GNAQ: variants seen among roughly 807,000 people sequenced by gnomAD.
GNAQ encodes G protein subunit alpha q.
GNAQ carries 8 observed loss-of-function variants against 43.9 expected under a neutral mutation model. That is an observed-to-expected ratio of 0.18 (90% CI 0.11 to 0.33). GNAQ has a LOEUF of 0.33. GNAQ is among the 10% of genes least tolerant of loss of function. The pLI, the probability that GNAQ is intolerant of heterozygous loss-of-function variation, is 1.00. For synonymous variants in GNAQ, 155 were observed against 170.7 expected (o/e 0.91, Z 0.71); for missense variants, 158 against 450.8 (o/e 0.35, Z 5.88).
At chr9:78,014,874 G>A (rs1406443384) in intron 1 of GNAQ, among the ~76,000 whole-genome samples, 2 of 152,154 alleles carry the variant, frequency 1.3e-5, no homozygotes, top group Non-Finnish European at 2.9e-5. Flanking sequence ...GTAAATAACT[G>A]TGGTCCCACA....
chr9:77,815,555 A>G (rs1826998862), intron 3 of GNAQ, 61 bp downstream of exon 3: 6 of 1,088,734 alleles, frequency 5.5e-6, no homozygotes, highest in Non-Finnish European at 1.4e-6. Context: ...TATGATAATC[A>G]TAAAACCTCC....
At chr9:77,789,906 C>T (rs1042544245) in intron 5 of GNAQ, among the ~76,000 whole-genome samples, 5 of 150,956 alleles carry the variant, frequency 3.3e-5, no homozygotes, top group East Asian at 1.9e-4. Context: ...TTCCTTCTAG[C>T]GTAAGGGAAG....
chr9:77,905,684 A>G (rs371086382), intron 2 of GNAQ, among the ~76,000 whole-genome samples: 1 of 152,196 alleles, frequency 6.6e-6, no homozygotes, highest in East Asian at 1.9e-4. Flanking sequence ...ATGCCATTAA[A>G]TACTGCTTTC....
At position 78,030,333 on chromosome 9, in the gene GNAQ, G is replaced by A. The variant is rs117978318; in HGVS notation, c.136+767C>T. Among the ~76,000 whole-genome samples the A allele has an allele frequency of 1.1e-4, 16 of 152,160 alleles. No individual in the cohort carries two copies. The East Asian group carries it at 2.5e-3, about 24-fold the overall frequency. On this transcript the variant is annotated intron_variant, in intron 1 of 6. Coordinates refer to ENST00000286548, the MANE Select transcript of GNAQ (RefSeq NM_002072.5). ...CCCCTACCCTCATCTTTATCTAGAA[G>A]GAATGGTGCAGACGAGAATAACGCC...
chr9:77,725,187 A>AATAAACATACACTACAAAGAACTCATT (rs1825379291), intron 6 of GNAQ, among the ~76,000 whole-genome samples: 1 of 152,172 alleles, frequency 6.6e-6, no homozygotes, highest in African/African-American at 2.4e-5. Context: ...TTGTTATCTG[A>AATAAACATACACTACAAAGAACTCATT]ATAAACATAC....
intron 5 of GNAQ, among the ~76,000 whole-genome samples, chr9:77,767,158 T>C (rs1263999387): frequency 4.6e-5 from 7 of 151,406 alleles, no homozygotes; most frequent in Non-Finnish European, 1.0e-4. Flanking sequence ...AGGGGAAGGG[T>C]TGGGAGAAAG....
intron 2 of GNAQ, among the ~76,000 whole-genome samples, chr9:77,889,535 G>A (rs1252423974): frequency 6.7e-6 from 1 of 149,838 alleles, no homozygotes; most frequent in Non-Finnish European, 1.5e-5. Context: ...AAATTGCAGG[G>A]TTTTCAGAAT....
chr9:77,916,674 T>G (rs1030507991), intron 2 of GNAQ, among the ~76,000 whole-genome samples: 4 of 152,070 alleles, frequency 2.6e-5, no homozygotes, highest in East Asian at 3.9e-4. Flanking sequence ...TCAAAACGCC[T>G]GGCTAGTTTG....
intron 2 of GNAQ, among the ~76,000 whole-genome samples, chr9:77,891,980 C>T (rs1308149664): frequency 6.6e-6 from 1 of 152,188 alleles, no homozygotes; most frequent in Non-Finnish European, 1.5e-5. Flanking sequence ...TTTCACCAAA[C>T]CCTGCCTTTT....
At chr9:77,816,223 T>C (rs1827012324) in intron 2 of GNAQ, among the ~76,000 whole-genome samples, 2 of 152,112 alleles carry the variant, frequency 1.3e-5, no homozygotes, top group Admixed American at 1.3e-4. Context: ...TCAATCAGAA[T>C]CCTCAACTAA....
chr9:77,785,919 T>A (rs748919333), intron 5 of GNAQ, among the ~76,000 whole-genome samples: 3 of 152,114 alleles, frequency 2.0e-5, no homozygotes, highest in Non-Finnish European at 2.9e-5. Flanking sequence ...ATGGACAGAT[T>A]TCATCTACTA....
At chr9:77,781,905 TATC>T (rs1826399421) in intron 5 of GNAQ, among the ~76,000 whole-genome samples, 1 of 152,126 alleles carries the variant, frequency 6.6e-6, no homozygotes. Context: ...CTACAGCTAA[TATC>T]ATATTTAATG....
chr9:77,773,324 T>C (rs1310104647), intron 5 of GNAQ, among the ~76,000 whole-genome samples: 1 of 152,222 alleles, frequency 6.6e-6, no homozygotes, highest in East Asian at 1.9e-4. Context: ...ATGAAAGTTA[T>C]AACACTAACT....
intron 1 of GNAQ, among the ~76,000 whole-genome samples, chr9:77,943,122 C>T (rs1442867476): frequency 6.6e-6 from 1 of 152,176 alleles, no homozygotes; most frequent in East Asian, 1.9e-4. Context: ...CCTCACAAGG[C>T]AGATGTTGGG....
intron 2 of GNAQ, among the ~76,000 whole-genome samples, chr9:77,891,856 T>A (rs1003489033): frequency 6.6e-6 from 1 of 152,108 alleles, no homozygotes; most frequent in Non-Finnish European, 1.5e-5. Flanking sequence ...TTCAAGCACA[T>A]TTTAGACTCT....
chr9:77,958,837 G>A (rs1319653828), intron 1 of GNAQ, among the ~76,000 whole-genome samples: 2 of 152,160 alleles, frequency 1.3e-5, no homozygotes, highest in African/African-American at 4.8e-5. Context: ...AAATACATTT[G>A]CAGACTGATT....
intron 2 of GNAQ, among the ~76,000 whole-genome samples, chr9:77,865,668 C>T (rs1025350184): frequency 6.6e-6 from 1 of 152,142 alleles, no homozygotes; most frequent in South Asian, 2.1e-4. Flanking sequence ...CCCAGCTCTG[C>T]CAGTCACAGT....
At chr9:77,906,503 G>T (rs1828711039) in intron 2 of GNAQ, among the ~76,000 whole-genome samples, 1 of 152,048 alleles carries the variant, frequency 6.6e-6, no homozygotes, top group Non-Finnish European at 1.5e-5. Flanking sequence ...AGTTTATCCT[G>T]CAAGGATGTT....
intron 1 of GNAQ, among the ~76,000 whole-genome samples, chr9:77,999,155 A>C (rs932691271): frequency 2.0e-5 from 3 of 151,720 alleles, no homozygotes; most frequent in Non-Finnish European, 4.4e-5. Context: ...ATAGAGGGTC[A>C]ATCTGGCACA....
Sources: gnomAD v4.1 joint callset for allele counts (sites outside exome capture counted in the v4.1 genomes callset) on GRCh38, gnomAD v4.1.1 for gene constraint, MANE v1.5 for transcripts, NCBI Gene and HGNC (gene_info 2026-07-23, HGNC 2026-07-21) for gene names.